CPAMD8: variants seen among roughly 807,000 people sequenced by gnomAD.
The protein encoded by CPAMD8 is C3 and PZP like alpha-2-macroglobulin domain containing 8.
Under a neutral mutation model 224.7 loss-of-function variants are expected in CPAMD8, and 146 were observed. The ratio of observed to expected loss-of-function variants is 0.65; its 90% confidence interval spans 0.57 to 0.75. The LOEUF (loss-of-function observed/expected upper bound fraction) is 0.75. Ranked by LOEUF, CPAMD8 falls within the 30% of genes least tolerant of loss-of-function variation. CPAMD8 has a pLI of 0.00. For synonymous variants in CPAMD8, 966 were observed against 1,044.6 expected (o/e 0.92, Z 1.45); for missense variants, 2,301 against 2,537.5 (o/e 0.91, Z 2.00).
chr19:16,989,015 G>A (rs1377222171), intron 13 of CPAMD8, among the ~76,000 whole-genome samples: 2 of 152,222 alleles, frequency 1.3e-5, no homozygotes, highest in African/African-American at 4.8e-5. Context: ...CTGATGATCT[G>A]TCACTGTCTC....
intron 10 of CPAMD8, among the ~76,000 whole-genome samples, chr19:16,999,872 C>G (rs553183406): frequency 6.6e-6 from 1 of 152,094 alleles, no homozygotes; most frequent in South Asian, 2.1e-4. Flanking sequence ...CTTTGTCGCC[C>G]AGGCCATGGT....
intron 21 of CPAMD8, 32 bp downstream of exon 21, chr19:16,947,042 G>T: frequency 6.4e-7 from 1 of 1,560,752 alleles, no homozygotes; most frequent in African/African-American, 1.4e-5. Flanking sequence ...GCCTGGAGAG[G>T]GGGGACACCC....
intron 39 of CPAMD8, chr19:16,897,019 A>C: frequency 7.7e-5 from 3 of 39,130 alleles, no homozygotes; most frequent in South Asian, 1.0e-3. Context: ...GACCGCTCCT[A>C]TCCTCAACCC....
chr19:16,975,753 G>A (rs2055245131), intron 16 of CPAMD8, among the ~76,000 whole-genome samples: 1 of 152,188 alleles, frequency 6.6e-6, no homozygotes, highest in Admixed American at 6.5e-5. Context: ...CCAGAGAGGT[G>A]AGACCTGGCC....
At chr19:16,931,671 T>C (rs926450085) in intron 23 of CPAMD8, among the ~76,000 whole-genome samples, 1 of 152,176 alleles carries the variant, frequency 6.6e-6, no homozygotes, top group East Asian at 1.9e-4. Context: ...CAGTGTAGAA[T>C]GCCCTGGTGC....
intron 3 of CPAMD8, among the ~76,000 whole-genome samples, chr19:17,019,757 C>T (rs910444506): frequency 6.7e-6 from 1 of 150,064 alleles, no homozygotes; most frequent in Non-Finnish European, 1.5e-5. Flanking sequence ...TTTGTAGAGA[C>T]AGGATTTTAC....
At chr19:16,936,846 G>C (rs2053701037) in intron 23 of CPAMD8, among the ~76,000 whole-genome samples, 1 of 152,170 alleles carries the variant, frequency 6.6e-6, no homozygotes. Context: ...TCCCTTAACA[G>C]GGTTTATTGT....
At chr19:16,918,286 C>T (rs1471056438) in intron 27 of CPAMD8, among the ~76,000 whole-genome samples, 10 of 152,164 alleles carry the variant, frequency 6.6e-5, no homozygotes, top group Admixed American at 1.3e-4. Flanking sequence ...TGAGCCACAG[C>T]GCCCGGCCCC....
chr19:16,963,527 AC>A (rs1381777411), intron 18 of CPAMD8, among the ~76,000 whole-genome samples: 2 of 152,236 alleles, frequency 1.3e-5, no homozygotes, highest in Non-Finnish European at 2.9e-5. Context: ...ATACAGGAGC[AC>A]CCAGATTCAT....
intron 3 of CPAMD8, among the ~76,000 whole-genome samples, chr19:17,017,232 C>T (rs928114137): frequency 1.3e-4 from 20 of 152,142 alleles, no homozygotes; most frequent in African/African-American, 4.6e-4. Context: ...TCTCACATCA[C>T]CCCCAGGTGG....
chr19:17,008,762 A>G (rs924975937), intron 6 of CPAMD8: 1 of 645,680 alleles, frequency 1.5e-6, no homozygotes, highest in South Asian at 1.8e-5. Context: ...GGCTGGGCCT[A>G]CCTCCTCATT....
intron 3 of CPAMD8, among the ~76,000 whole-genome samples, chr19:17,019,156 C>A (rs2056888381): frequency 1.3e-5 from 2 of 152,168 alleles, no homozygotes; most frequent in Admixed American, 6.6e-5. Context: ...CGGAGTTTCA[C>A]TCTGTTGCCC....
At chr19:16,949,456 G>C (rs73928406) in intron 20 of CPAMD8, among the ~76,000 whole-genome samples, 402 of 152,252 alleles carry the variant, frequency 2.6e-3, no homozygotes, top group African/African-American at 9.2e-3. Context: ...GAACGGTAAA[G>C]GATGGATTGT....
At chr19:17,003,930 A>G (rs1430197305) in intron 8 of CPAMD8, among the ~76,000 whole-genome samples, 2 of 150,600 alleles carry the variant, frequency 1.3e-5, no homozygotes, top group Admixed American at 1.3e-4. Context: ...TTTTTGAGAC[A>G]GAGTCTCGCC....
intron 13 of CPAMD8, among the ~76,000 whole-genome samples, chr19:16,984,755 T>C (rs1025671602): frequency 1.3e-5 from 2 of 152,136 alleles, no homozygotes; most frequent in African/African-American, 2.4e-5. Flanking sequence ...ACATCTGTCA[T>C]CTCAACACCT....
chr19:16,904,182 C>T, intron 32 of CPAMD8, 44 bp downstream of exon 32: 2 of 1,095,420 alleles, frequency 1.8e-6, no homozygotes, highest in Non-Finnish European at 2.7e-6. Flanking sequence ...AGGGACCCCA[C>T]CCACCCAGCC....
At chr19:16,987,521 A>C (rs1212100916) in intron 13 of CPAMD8, among the ~76,000 whole-genome samples, 2 of 152,000 alleles carry the variant, frequency 1.3e-5, no homozygotes, top group African/African-American at 4.8e-5. Context: ...GCGTAAGAAA[A>C]TCTTATGATT....
At chr19:16,975,644 G>A (rs1275320480) in intron 16 of CPAMD8, among the ~76,000 whole-genome samples, 7 of 152,208 alleles carry the variant, frequency 4.6e-5, no homozygotes, top group East Asian at 3.9e-4. Context: ...GGAGGTGTTC[G>A]CTACAGTGAG....
intron 17 of CPAMD8, among the ~76,000 whole-genome samples, chr19:16,973,887 T>C (rs1340140117): frequency 6.9e-6 from 1 of 143,896 alleles, no homozygotes. Context: ...TGGAGTGAAG[T>C]GATGTGATCT....
Sources: gnomAD v4.1 joint callset for allele counts (sites outside exome capture counted in the v4.1 genomes callset) on GRCh38, gnomAD v4.1.1 for gene constraint, MANE v1.5 for transcripts, NCBI Gene and HGNC (gene_info 2026-07-23, HGNC 2026-07-21) for gene names.